YIPF7: variants seen among roughly 807,000 people sequenced by gnomAD.
The protein encoded by YIPF7 is Yip1 domain family member 7.
In YIPF7, 35 loss-of-function variants were observed where a neutral mutation model predicts 27.2. That is an observed-to-expected ratio of 1.29 (90% CI 0.98 to 1.70). The LOEUF is 1.70. YIPF7 is among the 40% of genes most tolerant of loss of function. YIPF7 has a pLI of 0.00. For synonymous variants in YIPF7, 137 were observed against 110.4 expected, an observed-to-expected ratio of 1.24 and a Z score of -1.51; for missense variants, 358 against 303.7, an observed-to-expected ratio of 1.18 and a Z score of -1.33.
At chr4:44,629,616 C>A in intron 3 of YIPF7, 68 bp from the exon 4 acceptor site, 2 of 1,191,374 alleles carry the variant, frequency 1.7e-6, no homozygotes, top group Non-Finnish European at 2.3e-6. Flanking sequence ...AAGTTACACT[C>A]TTTAAAGGTT....
intron 4 of YIPF7, chr4:44,629,139 T>C (rs1477602597): frequency 3.4e-6 from 1 of 294,532 alleles, no homozygotes; most frequent in Admixed American, 5.1e-5. Flanking sequence ...ATTTACAGTC[T>C]TTTCTTAATA....
At chr4:44,652,448 C>T (rs902780463), upstream of YIPF7, among the ~76,000 whole-genome samples, 2 of 152,342 alleles carry the variant, frequency 1.3e-5, no homozygotes, top group African/African-American at 2.4e-5. Context: ...TCCCATGTAT[C>T]CAAATCTCAG....
At position 44,624,657 on chromosome 4, in the gene YIPF7, A is replaced by G. The variant is rs768401055; in HGVS notation, c.552T>C (p.Gly184=). The change falls in exon 5 of 6, where the codon GGT becomes GGC. Residue 184 remains glycine (G), a synonymous_variant. Transcript: ENST00000415895. ...VSYGCVASVL[G]YCLLPMVILS... Reference sequence around the variant, plus strand: ...GGATGACCATGGGGAGCAGGCAGTAACCCAGCACGCTGGCCACACAGCCGT... The same window carrying G: ...GGATGACCATGGGGAGCAGGCAGTAGCCCAGCACGCTGGCCACACAGCCGT... 1 of 1,604,096 alleles carries G rather than the reference A, an allele frequency of 6.2e-7. No homozygotes were observed. The highest frequency in any genetic ancestry group is 8.5e-7 in the Non-Finnish European group (1 of 1,175,690).
chr4:44,656,549 T>C (rs149225071), upstream of YIPF7, among the ~76,000 whole-genome samples: 1,234 of 152,200 alleles, frequency 8.1e-3, 4 homozygotes, highest in Non-Finnish European at 0.013. Flanking sequence ...AAAGGTACAA[T>C]TGAGTACGGT....
intron 2 of YIPF7, 121 bp downstream of exon 2, chr4:44,649,864 G>A (rs1277956590): frequency 3.3e-6 from 2 of 612,956 alleles, no homozygotes; most frequent in Admixed American, 3.4e-5. Context: ...TAGTTTAGAG[G>A]GCAAGAAAGA....
In YIPF7 at chr4:44,638,329, C is replaced by T. The variant is rs575309858; in HGVS notation, c.117-2244G>A. Among the ~76,000 whole-genome samples, 460 of 151,830 alleles carry T rather than the reference C, an allele frequency of 3.0e-3. 10 individuals are homozygous for T. The highest frequency in any genetic ancestry group is 7.8e-4 in the Non-Finnish European group (53 of 67,954). On this transcript the variant is annotated intron_variant, in intron 2 of 5. Coordinates refer to ENST00000415895, the MANE Select transcript of YIPF7 (RefSeq NM_182592.3). ...TGGACTAGGCAAGCTTGCACTCAGG[C>T]CCGCCAGTCATGAGTGCATGTACCA... is the stretch of plus-strand genomic sequence containing the variant.
At chr4:44,645,183 T>C (rs1306270825) in intron 2 of YIPF7, among the ~76,000 whole-genome samples, 2 of 152,234 alleles carry the variant, frequency 1.3e-5, no homozygotes, top group African/African-American at 2.4e-5. Context: ...CCAATTCTTA[T>C]GTTTTAGGGT....
chr4:44,661,523 G>A (rs1392823201), intron 1 of YIPF7, among the ~76,000 whole-genome samples: 1 of 152,204 alleles, frequency 6.6e-6, no homozygotes, highest in Non-Finnish European at 1.5e-5. Context: ...GGTAAGATTT[G>A]TAAATAGTAA....
intron 2 of YIPF7, among the ~76,000 whole-genome samples, chr4:44,659,617 G>A (rs1404236868): frequency 6.6e-6 from 1 of 152,008 alleles, no homozygotes. Context: ...AGTTAGCAAA[G>A]ATACAATAAA....
At chr4:44,654,170 A>C (rs1246584828), upstream of YIPF7, among the ~76,000 whole-genome samples, 3 of 152,092 alleles carry the variant, frequency 2.0e-5, no homozygotes, top group African/African-American at 7.2e-5. Context: ...TGGCTATAAC[A>C]CTGTGTATCT....
chr4:44,637,556 G>A (rs1713171774), intron 2 of YIPF7, among the ~76,000 whole-genome samples: 1 of 152,110 alleles, frequency 6.6e-6, no homozygotes, highest in Non-Finnish European at 1.5e-5. Flanking sequence ...TTTGAAAAAT[G>A]TCTATTCATA....
chr4:44,660,954 A>G (rs1317227042), intron 1 of YIPF7, among the ~76,000 whole-genome samples: 2 of 152,246 alleles, frequency 1.3e-5, no homozygotes, highest in Admixed American at 1.3e-4. Context: ...GGAACTTTCC[A>G]GACAAAATAC....
intron 2 of YIPF7, among the ~76,000 whole-genome samples, chr4:44,640,205 T>C (rs966052031): frequency 1.3e-5 from 2 of 152,224 alleles, no homozygotes; most frequent in African/African-American, 4.8e-5. Flanking sequence ...CCTTGTAGAA[T>C]GACTTAGAGA....
chr4:44,649,579 T>C (rs1028077021), intron 2 of YIPF7, among the ~76,000 whole-genome samples: 11 of 151,250 alleles, frequency 7.3e-5, no homozygotes, highest in Non-Finnish European at 1.3e-4. Flanking sequence ...CAGGCCAGTC[T>C]GGGCAACATG....
At chr4:44,658,788 G>A (rs1713970694) in intron 2 of YIPF7, among the ~76,000 whole-genome samples, 1 of 152,076 alleles carries the variant, frequency 6.6e-6, no homozygotes, top group South Asian at 2.1e-4. Flanking sequence ...TCAAACAAAA[G>A]GGGAACCCCT....
intron 2 of YIPF7, among the ~76,000 whole-genome samples, chr4:44,641,784 T>C (rs1229121929): frequency 6.6e-6 from 1 of 152,194 alleles, no homozygotes; most frequent in African/African-American, 2.4e-5. Flanking sequence ...TGTATGCTCA[T>C]TAAGAGCAAG....
intron 2 of YIPF7, among the ~76,000 whole-genome samples, chr4:44,649,490 G>A (rs543876023): frequency 4.1e-4 from 62 of 152,230 alleles, no homozygotes; most frequent in Admixed American, 1.7e-3. Context: ...GAACAATACA[G>A]CTCAGTGCGG....
chr4:44,634,436 G>A (rs1713033678), intron 3 of YIPF7, among the ~76,000 whole-genome samples: 1 of 152,142 alleles, frequency 6.6e-6, no homozygotes, highest in East Asian at 1.9e-4. Context: ...AGGAGGCTGA[G>A]GGGGAGGATC....
chr4:44,625,429 A>G (rs1036186092), intron 4 of YIPF7, among the ~76,000 whole-genome samples: 1 of 152,110 alleles, frequency 6.6e-6, no homozygotes, highest in African/African-American at 2.4e-5. Flanking sequence ...ATCAACGGGA[A>G]CTCTTACAAG....
Sources: gnomAD v4.1 joint callset for allele counts (sites outside exome capture counted in the v4.1 genomes callset) on GRCh38, gnomAD v4.1.1 for gene constraint, MANE v1.5 for transcripts, NCBI Gene and HGNC (gene_info 2026-07-23, HGNC 2026-07-21) for gene names.